S100A13: variants seen among roughly 807,000 people sequenced by gnomAD.
S100A13 encodes the protein protein S100-A13.
S100A13 carries 6 observed loss-of-function variants against 8.2 expected under a neutral mutation model. The ratio of observed to expected loss-of-function variants is 0.73; its 90% CI spans 0.40 to 1.44. S100A13 has a LOEUF of 1.44. S100A13 is among the 40% of genes most tolerant of loss of function. S100A13 has a pLI of 0.02. For missense variants in S100A13, 114 were observed against 113.6 expected, an observed-to-expected ratio of 1.00 and a Z score of -0.02; for synonymous variants, 39 against 45.9, an observed-to-expected ratio of 0.85 and a Z score of 0.61.
intron 2 of S100A13, among the ~76,000 whole-genome samples, chr1:153,624,156 G>A (rs1410553860): frequency 1.3e-5 from 2 of 152,168 alleles, no homozygotes; most frequent in Non-Finnish European, 2.9e-5. Context: ...AGCAGATAAA[G>A]GGAAACTTGA....
intron 1 of S100A13, 59 bp from the exon 2 acceptor site, chr1:153,626,592 G>C (rs547722944): frequency 2.8e-5 from 27 of 967,346 alleles, no homozygotes; most frequent in Non-Finnish European, 4.2e-5. Flanking sequence ...TGCAGGAATG[G>C]TTCAGAAGGT....
chr1:153,626,744 A>C, intron 1 of S100A13: 1 of 377,324 alleles, frequency 2.7e-6, no homozygotes, highest in South Asian at 5.1e-5. Context: ...AGCTCCAGAA[A>C]CCCCCTCTTC....
At chr1:153,632,770 G>C (rs1249644750), upstream of S100A13, among the ~76,000 whole-genome samples, 1 of 152,136 alleles carries the variant, frequency 6.6e-6, no homozygotes, top group Non-Finnish European at 1.5e-5. Flanking sequence ...GAAGGAAAAT[G>C]AAAGGGTCTT....
upstream of S100A13, chr1:153,630,457 C>T: frequency 6.3e-7 from 1 of 1,595,938 alleles, no homozygotes; most frequent in South Asian, 1.1e-5. Context: ...CACCTAGACC[C>T]CAGGTACTCC....
At chr1:153,623,786 C>A (rs915945931) in intron 2 of S100A13, among the ~76,000 whole-genome samples, 4 of 152,108 alleles carry the variant, frequency 2.6e-5, no homozygotes, top group East Asian at 1.9e-4. Flanking sequence ...CTTTTGGGGT[C>A]TGTGGTTATA....
intron 2 of S100A13, among the ~76,000 whole-genome samples, chr1:153,622,982 C>T (rs1459976754): frequency 2.0e-5 from 3 of 151,900 alleles, no homozygotes; most frequent in Non-Finnish European, 4.4e-5. Context: ...CCCAGCTACT[C>T]AGAAGGCTGA....
chr1:153,626,186 C>G lies in S100A13; in HGVS notation c.153+134G>C, dbSNP rs375097017. On this transcript the variant is annotated intron_variant, in intron 2 of 2. Transcript: ENST00000476133. ...TTGTCTCGAAAAAACAAAAGAAAAC[C>G]TGCAACCATTGACACATGCAGCCAC... 871 of 796,876 alleles carry G rather than the reference C, an allele frequency of 1.1e-3. 16 individuals are homozygous for G. In the South Asian group the frequency reaches 0.013, roughly 12 times the overall value. The allele number at this position is 796,876 out of a possible 1,614,324, so 49.4% of individuals were successfully genotyped here.
chr1:153,624,526 C>A (rs1199578125), intron 2 of S100A13, among the ~76,000 whole-genome samples: 10 of 150,854 alleles, frequency 6.6e-5, no homozygotes, highest in African/African-American at 2.0e-4. Flanking sequence ...CATTTCCAGG[C>A]CCAGAGGAAG....
chr1:153,630,594 G>T (rs745808328), upstream of S100A13: 16 of 1,614,258 alleles, frequency 9.9e-6, no homozygotes, highest in East Asian at 2.2e-5. Flanking sequence ...CAAAGAGGGG[G>T]ACAAGTACAA....
At chr1:153,627,976 G>A, upstream of S100A13, 3 of 1,492,224 alleles carry the variant, frequency 2.0e-6, no homozygotes, top group Non-Finnish European at 1.8e-6. Context: ...GATCCAGGTT[G>A]AGACCCCCAG....
At chr1:153,619,523 CT>C (rs1667101183) in intron 2 of S100A13, among the ~76,000 whole-genome samples, 1 of 152,152 alleles carries the variant, frequency 6.6e-6, no homozygotes, top group South Asian at 2.1e-4. Context: ...TTGCACAACC[CT>C]TGTGTCTTTT....
At position 153,618,834 on chromosome 1, in the gene S100A13, G is replaced by C; in HGVS notation, c.*61C>G. On this transcript the variant is annotated 3_prime_UTR_variant, in exon 3 of 3. Coordinates refer to ENST00000476133, the MANE Select transcript of S100A13 (RefSeq NM_001024211.2). ...AAGGAGGAAGCTTTATTTGGGAAGA[G>C]TGCGGTTCTGCTCGGCCCTGATCAG... 3 of 1,520,760 alleles carry C rather than the reference G, an allele frequency of 2.0e-6. No individual in the cohort carries two copies. The highest frequency in any genetic ancestry group is 2.7e-6 in the Non-Finnish European group (3 of 1,108,744). 94.2% of individuals were successfully genotyped at this position (1,520,760 alleles called of 1,614,324 possible). A position where few individuals can be genotyped will look rare whatever the true frequency, so the allele number is the denominator to read the frequency against.
upstream of S100A13, chr1:153,630,563 C>G (rs765754648): frequency 6.2e-7 from 1 of 1,614,262 alleles, no homozygotes; most frequent in East Asian, 2.2e-5. Context: ...CCCTCATCAA[C>G]GTGTTCCACG....
At chr1:153,630,911 T>C, upstream of S100A13, 1 of 485,466 alleles carries the variant, frequency 2.1e-6, no homozygotes, top group South Asian at 4.1e-5. Flanking sequence ...ACACACAGAC[T>C]TAGAAGGGAA....
Sources: allele counts gnomAD v4.1 joint callset (sites outside exome capture counted in the v4.1 genomes callset), GRCh38; gene constraint gnomAD v4.1.1; transcripts MANE v1.5; gene names NCBI Gene and HGNC (gene_info 2026-07-23, HGNC 2026-07-21).